Variants in CYLC2 observed in about 807,000 individuals in gnomAD.
CYLC2 encodes cylicin 2, also known as cylicin-2.
Under a neutral mutation model 26.1 loss-of-function variants are expected in CYLC2, and 30 were observed. That is an observed-to-expected ratio of 1.15 (90% CI 0.86 to 1.56). The LOEUF (loss-of-function observed/expected upper bound fraction) is 1.56, where lower values mean the gene tolerates loss of function less well. Among genes scored for constraint, CYLC2 ranks in the 40% most tolerant of loss-of-function variants. CYLC2 has a pLI of 0.00. For missense variants in CYLC2, 498 were observed against 394.4 expected (o/e 1.26, Z -2.23); for synonymous variants, 158 against 132.8 (o/e 1.19, Z -1.31).
chr9:102,998,085 G>A (rs912123875), intron 1 of CYLC2, among the ~76,000 whole-genome samples: 19 of 151,924 alleles, frequency 1.3e-4, no homozygotes, highest in African/African-American at 4.1e-4. Flanking sequence ...TGATTTTGAA[G>A]TGACTGAATA....
At chr9:103,013,569 T>C (rs1228909156) in intron 6 of CYLC2, among the ~76,000 whole-genome samples, 1 of 112,918 alleles carries the variant, frequency 8.9e-6, no homozygotes, top group Non-Finnish European at 1.6e-5. Context: ...ATGTATATCT[T>C]ACATATGTAT....
intron 1 of CYLC2, 54 bp from the exon 2 acceptor site, chr9:103,001,524 A>C: frequency 8.9e-7 from 1 of 1,119,920 alleles, no homozygotes. Flanking sequence ...ATGACAGTTT[A>C]AAACAGTGAT....
intron 1 of CYLC2, among the ~76,000 whole-genome samples, chr9:102,996,174 C>T (rs1022289669): frequency 2.0e-5 from 3 of 151,648 alleles, no homozygotes; most frequent in Non-Finnish European, 2.9e-5. Flanking sequence ...GATACTGGTG[C>T]CCATTTTGTT....
In CYLC2 at chr9:103,001,613, T is replaced by C; in HGVS notation, c.53T>C (p.Ile18Thr). ...RVNFGPYDNYIPVSELSKKSW... is the reference protein window; with the variant it reads ...RVNFGPYDNYTPVSELSKKSW... ...AACTTTGGGCCATATGATAATTACA[T>C]TCCAGGTAAGAAAGCATTCAATATT... Residue 18 changes from isoleucine to threonine, a missense_variant, in exon 2 of 8, where the codon ATT becomes ACT. By Grantham distance (89) the Ile-to-Thr change is moderately conservative. Coordinates refer to ENST00000374798, the MANE Select transcript of CYLC2 (RefSeq NM_001340.5). 1 of 1,560,312 alleles carries C rather than the reference T, an allele frequency of 6.4e-7. No homozygotes were observed. Among genetic ancestry groups the C allele is most frequent in the Non-Finnish European group, 8.8e-7 (1 of 1,134,952 alleles).
chr9:103,005,092 A>C lies in CYLC2; in HGVS notation c.461A>C (p.Lys154Thr). The change falls in exon 5 of 8, where the codon AAG (lysine) becomes ACG (threonine). Residue 154 changes from lysine to threonine, a missense_variant. Transcript: ENST00000374798. The stretch of plus-strand genomic sequence containing the variant: ...GATATAGAGAAAGGAAAAGAAGAAA[A>C]GCTAGATGCAAAGAAAGATAGCAAA... ...GKDIEKGKEE[K>T]LDAKKDSKKG... The C allele has an allele frequency of 6.2e-7, 1 of 1,606,988 alleles. No individual in the cohort carries two copies. The highest frequency in any genetic ancestry group is 8.5e-7 in the Non-Finnish European group (1 of 1,177,300).
chr9:103,006,281 C>T lies in CYLC2; in HGVS notation c.*603C>T, dbSNP rs758816886. Reference sequence around the variant, plus strand: ...AGAAAAGAAAAAAAATGTATTACCACCCGATGAGCCTACATCTTTCTTTCT... The same window carrying T: ...AGAAAAGAAAAAAAATGTATTACCATCCGATGAGCCTACATCTTTCTTTCT... On this transcript the variant is annotated 3_prime_UTR_variant, in exon 5 of 8. Transcript: ENST00000374798. The T allele has an allele frequency of 6.6e-6, 1 of 152,018 alleles. No homozygotes were observed. Among genetic ancestry groups the T allele is most frequent in the African/African-American group, 2.4e-5 (1 of 41,404 alleles). 9.4% of individuals were successfully genotyped at this position (152,018 alleles called of 1,614,324 possible). A position where few individuals can be genotyped will look rare whatever the true frequency, so the allele number is the denominator to read the frequency against.
At chr9:103,015,328 C>A (rs1207913060) in intron 6 of CYLC2, among the ~76,000 whole-genome samples, 2 of 121,244 alleles carry the variant, frequency 1.6e-5, no homozygotes, top group South Asian at 2.4e-4. Context: ...ATAACATATA[C>A]AATATATTAT....
chr9:103,015,112 A>G (rs1453829191), intron 6 of CYLC2, among the ~76,000 whole-genome samples: 14 of 58,690 alleles, frequency 2.4e-4, no homozygotes, highest in Non-Finnish European at 4.1e-4. Flanking sequence ...TGATATACAT[A>G]ACATGTATAT....
At chr9:103,011,012 A>G (rs1163513694) in intron 5 of CYLC2, among the ~76,000 whole-genome samples, 1 of 152,114 alleles carries the variant, frequency 6.6e-6, no homozygotes, top group Non-Finnish European at 1.5e-5. Context: ...TATTGATTCT[A>G]GAAACCATTA....
At chr9:102,998,830 T>C (rs1189722065) in intron 1 of CYLC2, among the ~76,000 whole-genome samples, 1 of 151,956 alleles carries the variant, frequency 6.6e-6, no homozygotes, top group Non-Finnish European at 1.5e-5. Context: ...TCTTCCTTAT[T>C]TTTGAAGTGA....
At chr9:103,018,059 A>T (rs550909267) in intron 7 of CYLC2, among the ~76,000 whole-genome samples, 4 of 152,138 alleles carry the variant, frequency 2.6e-5, no homozygotes, top group African/African-American at 9.6e-5. Flanking sequence ...TAGACAATTT[A>T]TCCCACAACG....
chr9:103,015,382 A>T (rs1204322401), intron 6 of CYLC2, among the ~76,000 whole-genome samples: 6 of 53,434 alleles, frequency 1.1e-4, no homozygotes, highest in South Asian at 1.7e-3. Context: ...TGTAATATAT[A>T]TTAAATATAT....
chr9:103,009,764 A>G (rs569443593), intron 5 of CYLC2, among the ~76,000 whole-genome samples: 1 of 151,968 alleles, frequency 6.6e-6, no homozygotes, highest in Admixed American at 6.6e-5. Context: ...CTCTACCTCT[A>G]TAGTTTGTTT....
At chr9:103,013,780 T>C (rs1316291564) in intron 6 of CYLC2, among the ~76,000 whole-genome samples, 7 of 102,064 alleles carry the variant, frequency 6.9e-5, no homozygotes, top group African/African-American at 9.0e-5. Context: ...TATTATATAT[T>C]ATATGATTAT....
intron 6 of CYLC2, among the ~76,000 whole-genome samples, chr9:103,014,117 T>TTTATA (rs1216524214): frequency 2.5e-5 from 3 of 120,670 alleles, no homozygotes; most frequent in Non-Finnish European, 4.8e-5. Context: ...ATAAATATAT[T>TTTATA]TTATATTATA....
At chr9:103,016,052 G>T (rs1235274269) in intron 6 of CYLC2, among the ~76,000 whole-genome samples, 4 of 151,106 alleles carry the variant, frequency 2.6e-5, no homozygotes, top group Non-Finnish European at 5.9e-5. Flanking sequence ...GTAATTCACA[G>T]TATCAATTAT....
intron 3 of CYLC2, among the ~76,000 whole-genome samples, chr9:103,004,470 T>C (rs527572142): frequency 1.7e-4 from 26 of 152,078 alleles, no homozygotes; most frequent in South Asian, 2.1e-4. Flanking sequence ...GCTATGAAGA[T>C]CCTATAAACT....
Position 103,004,817 on chromosome 9 carries a change from A to G in CYLC2, c.303A>G (p.Pro101=). The part of the protein sequence containing the change: ...YLAARRQPLK[P]TRTVEVDSKA... ...CTGCCAGGAGGCAGCCTCTCAAACC[A>G]ACTCGTACTGTCGAGGTGGATTCTA... Residue 101 remains proline, a synonymous_variant, in exon 4 of 8, where the codon CCA becomes CCG. Coordinates refer to ENST00000374798, the MANE Select transcript of CYLC2 (RefSeq NM_001340.5). 1 of 1,612,436 alleles carries G rather than the reference A, an allele frequency of 6.2e-7. No homozygotes were observed. The highest frequency in any genetic ancestry group is 1.1e-5 in the South Asian group (1 of 90,656).
chr9:103,014,611 CATATGTATATTATGCAGTATACAT>C (rs1241818277), intron 6 of CYLC2, among the ~76,000 whole-genome samples: 127 of 141,844 alleles, frequency 9.0e-4, no homozygotes, highest in African/African-American at 2.8e-3. Flanking sequence ...CAGTATACAT[CATATGTATATTATGCAGTATACAT>C]CATATGTATA....
Sources: allele counts gnomAD v4.1 joint callset (sites outside exome capture counted in the v4.1 genomes callset), GRCh38; gene constraint gnomAD v4.1.1; transcripts MANE v1.5; gene names NCBI Gene and HGNC (gene_info 2026-07-23, HGNC 2026-07-21).